FBXO36: variants seen among roughly 807,000 people sequenced by gnomAD.
FBXO36 encodes F-box only protein 36.
In FBXO36, 18 loss-of-function variants were observed where a neutral mutation model predicts 17.0. That is an observed-to-expected ratio of 1.06 (90% CI 0.73 to 1.57). The LOEUF (loss-of-function observed/expected upper bound fraction) is 1.57. FBXO36 is among the 40% of genes most tolerant of loss of function. The pLI, the probability that FBXO36 is intolerant of heterozygous loss-of-function variation, is 0.00. For missense variants in FBXO36, 229 were observed against 221.9 expected, an observed-to-expected ratio of 1.03 and a Z score of -0.20; for synonymous variants, 83 against 85.3, an observed-to-expected ratio of 0.97 and a Z score of 0.15.
Position 230,012,933 on chromosome 2 carries a change from C to T in FBXO36, c.*2049C>T, listed in dbSNP as rs2077423016. 6.6e-6 allele frequency: 1 copy of T among 150,724 alleles called. No individual in the cohort carries two copies. Among genetic ancestry groups the T allele is most frequent in the South Asian group, 2.1e-4 (1 of 4,812 alleles). The allele number at this position is 150,724 out of a possible 1,614,324, so 9.3% of individuals were successfully genotyped here. On this transcript the variant is annotated 3_prime_UTR_variant, in exon 4 of 4. Coordinates refer to ENST00000283946, the MANE Select transcript of FBXO36 (RefSeq NM_174899.5). ...CAATTTGAAAACACTATGTATATAC[C>T]TACTCACATATATATTATACTTACG...
chr2:229,990,922 C>T lies in FBXO36; in HGVS notation c.206-5829C>T, dbSNP rs555969327. On this transcript the variant is annotated intron_variant, in intron 2 of 3. Transcript: ENST00000283946. ...TCATTTTATTTACTGGTCACAGTCT[C>T]TTGGGTTTTCTTTCTTTTTTTTCCC... is the stretch of plus-strand genomic sequence containing the variant. Among the ~76,000 whole-genome samples the T allele has an allele frequency of 1.1e-4, 16 of 152,068 alleles. 1 individual carries two copies. In the South Asian group the frequency reaches 1.7e-3, roughly 16 times the overall value.
chr2:229,936,181 G>C (rs561592575), intron 1 of FBXO36, among the ~76,000 whole-genome samples: 1 of 151,800 alleles, frequency 6.6e-6, no homozygotes, highest in African/African-American at 2.4e-5. Flanking sequence ...GTGAAACTCC[G>C]TCTCAAAAAA....
intron 1 of FBXO36, among the ~76,000 whole-genome samples, chr2:229,942,468 A>T (rs894160845): frequency 2.0e-5 from 3 of 152,058 alleles, no homozygotes; most frequent in Non-Finnish European, 2.9e-5. Flanking sequence ...TGTTGGAGTG[A>T]GTCTGTATCC....
At chr2:229,930,439 C>A (rs1273173985) in intron 1 of FBXO36, among the ~76,000 whole-genome samples, 1 of 152,118 alleles carries the variant, frequency 6.6e-6, no homozygotes, top group Non-Finnish European at 1.5e-5. Flanking sequence ...GTCCCTTATT[C>A]TTCCCTCTTC....
intron 1 of FBXO36, among the ~76,000 whole-genome samples, chr2:229,923,847 G>GTT (rs71045800): frequency 0.033 from 2,528 of 77,262 alleles, 2 homozygotes; most frequent in Non-Finnish European, 0.037. Context: ...TTTTGGTGTT[G>GTT]TTTTTTTTTT....
intron 3 of FBXO36, among the ~76,000 whole-genome samples, chr2:230,004,920 C>T (rs1339109996): frequency 3.9e-5 from 6 of 152,172 alleles, no homozygotes; most frequent in South Asian, 4.1e-4. Context: ...GCAGGAGAAT[C>T]GCTTGAACCC....
chr2:230,000,823 T>C (rs1031252512), intron 3 of FBXO36, among the ~76,000 whole-genome samples: 1 of 151,402 alleles, frequency 6.6e-6, no homozygotes, highest in African/African-American at 2.4e-5. Flanking sequence ...GCTGCTTTTA[T>C]TCTCCCCGCA....
intron 3 of FBXO36, among the ~76,000 whole-genome samples, chr2:230,004,110 G>A (rs1010262974): frequency 2.0e-5 from 3 of 152,314 alleles, no homozygotes; most frequent in African/African-American, 7.2e-5. Context: ...GCAGCTCTCT[G>A]TGTGCTGTGC....
intron 1 of FBXO36, chr2:229,943,207 TG>T (rs1343272326): frequency 6.6e-6 from 1 of 152,142 alleles, no homozygotes; most frequent in Non-Finnish European, 1.5e-5. Flanking sequence ...GAAAGAGAGG[TG>T]GGGCCTCTGT....
intron 1 of FBXO36, among the ~76,000 whole-genome samples, chr2:229,958,224 T>G (rs2077100431): frequency 6.6e-6 from 1 of 151,406 alleles, no homozygotes; most frequent in Non-Finnish European, 1.5e-5. Context: ...CAATTTTTTT[T>G]TGTTCTTATT....
chr2:229,986,679 C>A (rs1173150831), intron 2 of FBXO36, among the ~76,000 whole-genome samples: 4 of 151,374 alleles, frequency 2.6e-5, no homozygotes, highest in Non-Finnish European at 5.9e-5. Context: ...GGACTACAGG[C>A]ACCCACCACC....
chr2:229,984,115 C>A (rs1036914898), intron 2 of FBXO36, among the ~76,000 whole-genome samples: 1 of 151,934 alleles, frequency 6.6e-6, no homozygotes, highest in African/African-American at 2.4e-5. Flanking sequence ...TTTGGGAGGC[C>A]GAGGCGGGTG....
intron 1 of FBXO36, among the ~76,000 whole-genome samples, chr2:229,945,841 G>A (rs1442829429): frequency 2.0e-5 from 3 of 151,588 alleles, no homozygotes; most frequent in African/African-American, 7.3e-5. Flanking sequence ...TGGCCAACAT[G>A]GGGAAACCCT....
intron 2 of FBXO36, 56 bp from the exon 3 acceptor site, chr2:229,996,692 GTTA>G: frequency 6.6e-7 from 1 of 1,510,920 alleles, no homozygotes; most frequent in Admixed American, 2.0e-5. Context: ...TTCACTGATT[GTTA>G]TTATAATTTT....
At chr2:229,984,075 C>T (rs1239064458) in intron 2 of FBXO36, among the ~76,000 whole-genome samples, 2 of 152,116 alleles carry the variant, frequency 1.3e-5, no homozygotes, top group Non-Finnish European at 2.9e-5. Context: ...TCAGGTTGGG[C>T]GCGGTGGCTC....
Position 230,011,518 on chromosome 2 carries a change from C to A in FBXO36, c.*634C>A, listed in dbSNP as rs1418943101. 1 of 151,930 alleles carries A rather than the reference C, an allele frequency of 6.6e-6. No individual in the cohort carries two copies. The highest frequency in any genetic ancestry group is 2.4e-5 in the African/African-American group (1 of 41,334). The allele number at this position is 151,930 out of a possible 1,614,324, so 9.4% of individuals were successfully genotyped here. Reference sequence around the variant, plus strand: ...TGACTGGAGAAGTGCAGGCATCCTGCTTGCGGACCTTGCTCAAAGTACAAC... The same window carrying A: ...TGACTGGAGAAGTGCAGGCATCCTGATTGCGGACCTTGCTCAAAGTACAAC... On this transcript the variant is annotated 3_prime_UTR_variant, in exon 4 of 4. Transcript: ENST00000283946.
At chr2:229,951,651 C>G (rs1263993220) in intron 1 of FBXO36, among the ~76,000 whole-genome samples, 1 of 152,216 alleles carries the variant, frequency 6.6e-6, no homozygotes, top group Non-Finnish European at 1.5e-5. Flanking sequence ...GCTTTGGGAT[C>G]TATCTTCTCC....
intron 2 of FBXO36, among the ~76,000 whole-genome samples, chr2:229,978,141 A>G (rs1156758347): frequency 1.3e-5 from 2 of 152,058 alleles, no homozygotes; most frequent in African/African-American, 4.8e-5. Flanking sequence ...TTTTTAAATT[A>G]GCTAGGTGTG....
Position 229,961,434 on chromosome 2 carries a change from G to A in FBXO36, c.97-14807G>A, listed in dbSNP as rs947913942. Among the ~76,000 whole-genome samples, 6 of 151,978 alleles carry A rather than the reference G, an allele frequency of 3.9e-5. 1 individual carries two copies. Among genetic ancestry groups the A allele is most frequent in the Admixed American group, 2.6e-4 (4 of 15,246 alleles). ...CTCTGTCACGAGGCTGGAGTGCAGT[G>A]GTGCGATCTCGGCTCACTGCAACCT... On this transcript the variant is annotated intron_variant, in intron 1 of 3. Transcript: ENST00000283946.
Sources: allele counts gnomAD v4.1 joint callset (sites outside exome capture counted in the v4.1 genomes callset), GRCh38; gene constraint gnomAD v4.1.1; transcripts MANE v1.5; gene names NCBI Gene and HGNC (gene_info 2026-07-23, HGNC 2026-07-21).